The following ABCA12 variants were observed in gnomAD, a reference collection of about 807,000 sequenced individuals.
ABCA12 encodes ATP binding cassette subfamily A member 12, also known as glucosylceramide transporter ABCA12.
Under a neutral mutation model 293.5 loss-of-function variants are expected in ABCA12, and 156 were observed. The observed-to-expected ratio is 0.53, with a 90% confidence interval of 0.47 to 0.61. The LOEUF is 0.61. Ranked by LOEUF, ABCA12 falls within the 20% of genes least tolerant of loss-of-function variation. ABCA12 has a pLI of 0.00. For missense variants in ABCA12, 2,797 were observed against 3,090.2 expected, an observed-to-expected ratio of 0.91 and a Z score of 2.25; for synonymous variants, 1,063 against 1,108.0, an observed-to-expected ratio of 0.96 and a Z score of 0.81.
chr2:214,950,416 GTGTGTATA>G (rs1389678934), intron 45 of ABCA12, among the ~76,000 whole-genome samples: 1 of 128,820 alleles, frequency 7.8e-6, no homozygotes, highest in African/African-American at 2.9e-5. Flanking sequence ...GTGTGTGTGT[GTGTGTATA>G]TATATGCATG....
chr2:215,115,440 T>C (rs560031266), intron 1 of ABCA12, among the ~76,000 whole-genome samples: 3 of 152,300 alleles, frequency 2.0e-5, no homozygotes, highest in Admixed American at 2.0e-4. Context: ...AGGCCATGAC[T>C]TTTTTCTGTT....
At chr2:214,975,295 A>G (rs1293333437) in intron 34 of ABCA12, among the ~76,000 whole-genome samples, 2 of 152,208 alleles carry the variant, frequency 1.3e-5, no homozygotes, top group Non-Finnish European at 2.9e-5. Flanking sequence ...AGAAATCTGA[A>G]AAAAGACACA....
intron 9 of ABCA12, 35 bp downstream of exon 9, chr2:215,031,786 G>T: frequency 6.2e-7 from 1 of 1,612,852 alleles, no homozygotes; most frequent in Non-Finnish European, 8.5e-7. Context: ...ATTCAGCCAA[G>T]TTATCTACCT....
intron 2 of ABCA12, among the ~76,000 whole-genome samples, chr2:215,102,600 A>G (rs1176947177): frequency 6.6e-6 from 1 of 152,202 alleles, no homozygotes; most frequent in Admixed American, 6.5e-5. Context: ...CCCTGTCTCA[A>G]AAAAATAAAA....
rs1158072628 is a variant in ABCA12, at chr2:215,045,867, T to C, written c.842A>G (p.Asn281Ser). The C allele has an allele frequency of 3.1e-6, 5 of 1,613,612 alleles. No individual in the cohort carries two copies. The Middle Eastern group carries it at 6.6e-4, about 213-fold the overall frequency. The change falls in exon 7 of 53, where the codon AAT becomes AGT. Residue 281 changes from asparagine to serine, a missense_variant. Coordinates refer to ENST00000272895, the MANE Select transcript of ABCA12 (RefSeq NM_173076.3). ...NVFQNDTSLS[N>S]LFDVLRKANS... ...TGCCTTTCGAAGAACATCAAATAGA[T>C]TGCTTAGTGATGTGTCATTCTGAAA...
rs116773354 is a variant in ABCA12 at position 215,069,169 on chromosome 2, T to C, written c.164-4950A>G. ...CAGTGAAGAATAGAATGATACATTT[T>C]GGAAGGAAAATTCTGACTTTTAAAA... On this transcript the variant is annotated intron_variant, in intron 2 of 52. Transcript: ENST00000272895. Among the ~76,000 whole-genome samples, 679 of 136,630 alleles carry C rather than the reference T, an allele frequency of 5.0e-3. 4 individuals carry two copies. Among genetic ancestry groups the C allele is most frequent in the Middle Eastern group, 0.017 (5 of 286 alleles). The allele number at this position is 136,630 out of a possible 152,430, so 89.6% of individuals were successfully genotyped here. A position where few individuals can be genotyped will look rare whatever the true frequency, so the allele number is the denominator to read the frequency against.
chr2:215,099,788 A>G (rs1702318197), intron 2 of ABCA12, among the ~76,000 whole-genome samples: 1 of 152,120 alleles, frequency 6.6e-6, no homozygotes, highest in Non-Finnish European at 1.5e-5. Flanking sequence ...TTTGTTATAG[A>G]GCAACAGATA....
chr2:214,959,175 A>G (rs1699041690), intron 39 of ABCA12, 97 bp from the exon 40 acceptor site: 7 of 1,083,722 alleles, frequency 6.5e-6, no homozygotes, highest in East Asian at 2.4e-5. Context: ...TCCTTATATT[A>G]TTATCTAAAC....
chr2:215,119,710 G>A (rs1465764368), intron 1 of ABCA12, among the ~76,000 whole-genome samples: 1 of 141,678 alleles, frequency 7.1e-6, no homozygotes, highest in Non-Finnish European at 1.5e-5. Context: ...CCTCACATGA[G>A]TCAGAATGGC....
At chr2:214,986,462 C>T in intron 28 of ABCA12, 80 bp downstream of exon 28, 1 of 1,306,434 alleles carries the variant, frequency 7.7e-7, no homozygotes. Flanking sequence ...GTTTTATAAA[C>T]ATAGGTTAGT....
chr2:215,066,807 G>GT (rs889618920), intron 2 of ABCA12, among the ~76,000 whole-genome samples: 4 of 152,050 alleles, frequency 2.6e-5, no homozygotes, highest in African/African-American at 9.7e-5. Context: ...TGCGTTATTT[G>GT]TTTTGCCGTA....
At position 215,120,331 on chromosome 2, in the gene ABCA12, C is replaced by T. The variant is rs78733044; in HGVS notation, c.70-8641G>A. 9.2e-5 allele frequency among the ~76,000 whole-genome samples: 14 copies of T among 152,074 alleles called. No individual in the cohort carries two copies. In the East Asian group the frequency reaches 2.7e-3, roughly 29 times the overall value. On this transcript the variant is annotated intron_variant, in intron 1 of 52. Transcript: ENST00000272895. ...AACTACCTATTTGGTACTATGCTCA[C>T]CACTTGGATGCAATATACTCATCTA...
intron 2 of ABCA12, among the ~76,000 whole-genome samples, chr2:215,075,946 G>A (rs536540779): frequency 7.9e-5 from 12 of 152,238 alleles, no homozygotes; most frequent in African/African-American, 2.9e-4. Flanking sequence ...CTATTCACTC[G>A]GGATGCTCGA....
intron 2 of ABCA12, among the ~76,000 whole-genome samples, chr2:215,088,896 C>T (rs1445518859): frequency 6.6e-6 from 1 of 152,058 alleles, no homozygotes; most frequent in Non-Finnish European, 1.5e-5. Flanking sequence ...TTTTTTGAAA[C>T]TTTATTGATT....
At chr2:214,943,218 G>A (rs942750767) in intron 49 of ABCA12, among the ~76,000 whole-genome samples, 35 of 152,030 alleles carry the variant, frequency 2.3e-4, no homozygotes, top group Admixed American at 2.0e-4. Flanking sequence ...GCTTACTGTA[G>A]CCTTGACCTC....
rs543267603 is a variant in ABCA12 at position 215,108,862 on chromosome 2, T to G, written c.163+2735A>C. ...AGGCGGTGGATCACGAGGTCAGGAG[T>G]TCCAGACCAGCCTGGCCAAGATGGT... is the stretch of plus-strand genomic sequence containing the variant. On this transcript the variant is annotated intron_variant, in intron 2 of 52. Coordinates refer to ENST00000272895, the MANE Select transcript of ABCA12 (RefSeq NM_173076.3). Among the ~76,000 whole-genome samples, 119 of 151,762 alleles carry G rather than the reference T, an allele frequency of 7.8e-4. 1 individual carries two copies. Among genetic ancestry groups the G allele is most frequent in the Non-Finnish European group, 3.7e-4 (25 of 67,918 alleles).
chr2:214,970,521 G>T (rs1305333744), intron 36 of ABCA12, 121 bp from the exon 37 acceptor site: 26 of 1,128,162 alleles, frequency 2.3e-5, no homozygotes, highest in Middle Eastern at 2.2e-4. Context: ...AGTGTGATAA[G>T]ACTGTCCTTT....
chr2:214,949,373 T>C (rs113409568), intron 45 of ABCA12, among the ~76,000 whole-genome samples: 143 of 145,670 alleles, frequency 9.8e-4, no homozygotes, highest in African/African-American at 3.7e-3. Flanking sequence ...TATATATATA[T>C]ATATACACAC....
intron 6 of ABCA12, 100 bp from the exon 7 acceptor site, chr2:215,046,115 T>G: frequency 8.0e-7 from 1 of 1,249,174 alleles, no homozygotes; most frequent in Non-Finnish European, 1.1e-6. Flanking sequence ...GATTTTCACA[T>G]AAGCAATTCT....
Sources: allele counts gnomAD v4.1 joint callset (sites outside exome capture counted in the v4.1 genomes callset), GRCh38; gene constraint gnomAD v4.1.1; transcripts MANE v1.5; gene names NCBI Gene and HGNC (gene_info 2026-07-23, HGNC 2026-07-21).